The following PIK3C2G variants were observed in gnomAD, a reference collection of about 807,000 sequenced individuals.
PIK3C2G encodes phosphatidylinositol 3-kinase C2 domain-containing subunit gamma.
Under a neutral mutation model 181.1 loss-of-function variants are expected in PIK3C2G, and 168 were observed. That is an observed-to-expected ratio of 0.93 (90% confidence interval 0.82 to 1.05). PIK3C2G has a LOEUF of 1.05. Ranked by LOEUF, PIK3C2G falls within the 50% of genes least tolerant of loss-of-function variation. PIK3C2G has a pLI of 0.00. For missense variants in PIK3C2G, 1,869 were observed against 1,732.8 expected, an observed-to-expected ratio of 1.08 and a Z score of -1.40; for synonymous variants, 573 against 592.2, an observed-to-expected ratio of 0.97 and a Z score of 0.47.
intron 30 of PIK3C2G, among the ~76,000 whole-genome samples, chr12:18,600,662 T>A (rs1947660123): frequency 6.6e-6 from 1 of 152,044 alleles, no homozygotes; most frequent in Admixed American, 6.5e-5. Flanking sequence ...AGTAACAGAC[T>A]ACCTGTTCAA....
intron 11 of PIK3C2G, among the ~76,000 whole-genome samples, chr12:18,353,870 A>C (rs1205814686): frequency 6.6e-6 from 1 of 152,162 alleles, no homozygotes; most frequent in Non-Finnish European, 1.5e-5. Flanking sequence ...ATAGGTCAGT[A>C]TAGTTGAGAG....
chr12:18,272,409 C>A (rs377048023), intron 1 of PIK3C2G, among the ~76,000 whole-genome samples: 3 of 152,136 alleles, frequency 2.0e-5, no homozygotes, highest in Non-Finnish European at 4.4e-5. Flanking sequence ...AAACACCTGG[C>A]TGCTTCTCTT....
the PIK3C2G span, among the ~76,000 whole-genome samples, chr12:18,698,794 C>G: frequency 6.6e-6 from 1 of 152,156 alleles, no homozygotes; most frequent in Non-Finnish European, 1.5e-5. Flanking sequence ...CAATTATACT[C>G]TTTTAGTTAT....
At chr12:18,258,400 A>G (rs1172365267), upstream of PIK3C2G, among the ~76,000 whole-genome samples, 1 of 151,914 alleles carries the variant, frequency 6.6e-6, no homozygotes, top group Non-Finnish European at 1.5e-5. Flanking sequence ...TCTCCTGTCT[A>G]CCTGAAATTT....
chr12:18,393,318 G>A (rs1943655850), intron 15 of PIK3C2G, among the ~76,000 whole-genome samples: 1 of 151,952 alleles, frequency 6.6e-6, no homozygotes, highest in Non-Finnish European at 1.5e-5. Context: ...GTTTTATTCT[G>A]GACTGTGAAA....
chr12:18,615,348 TGTGTGTG>T (rs1565564966), intron 31 of PIK3C2G, among the ~76,000 whole-genome samples: 2 of 114,034 alleles, frequency 1.8e-5, no homozygotes, highest in African/African-American at 5.7e-5. Flanking sequence ...TGTGTGTGTG[TGTGTGTG>T]TGTGTGTGTG....
intron 31 of PIK3C2G, among the ~76,000 whole-genome samples, chr12:18,628,370 T>C (rs1949194628): frequency 1.3e-5 from 2 of 152,224 alleles, no homozygotes; most frequent in African/African-American, 2.4e-5. Context: ...GCTTTGTTTT[T>C]GTACTAACAT....
At chr12:18,383,981 A>ATTTTT (rs1943004760) in intron 14 of PIK3C2G, among the ~76,000 whole-genome samples, 1 of 135,996 alleles carries the variant, frequency 7.4e-6, no homozygotes, top group African/African-American at 2.7e-5. Context: ...TTTTATTATT[A>ATTTTT]TTATTATTTT....
At chr12:18,362,177 G>A (rs920146674) in intron 11 of PIK3C2G, among the ~76,000 whole-genome samples, 1 of 152,096 alleles carries the variant, frequency 6.6e-6, no homozygotes, top group African/African-American at 2.4e-5. Context: ...CTGAGTTGTG[G>A]AGAGAGGCAA....
chr12:18,633,563 G>A (rs1249910074), intron 31 of PIK3C2G, among the ~76,000 whole-genome samples: 1 of 152,176 alleles, frequency 6.6e-6, no homozygotes, highest in Non-Finnish European at 1.5e-5. Context: ...GGTCGTTGTA[G>A]TATTCTGTTG....
chr12:18,548,016 C>A (rs1944524706), intron 26 of PIK3C2G, among the ~76,000 whole-genome samples: 1 of 151,948 alleles, frequency 6.6e-6, no homozygotes, highest in African/African-American at 2.4e-5. Context: ...TTGAAGGCAG[C>A]TCCAGGGACC....
At chr12:18,516,431 T>C (rs1468567204) in intron 24 of PIK3C2G, among the ~76,000 whole-genome samples, 1 of 152,094 alleles carries the variant, frequency 6.6e-6, no homozygotes, top group Non-Finnish European at 1.5e-5. Context: ...TTTTTGATAA[T>C]TTGATTATAA....
At chr12:18,610,682 G>C (rs772866087) in intron 31 of PIK3C2G, among the ~76,000 whole-genome samples, 1 of 151,956 alleles carries the variant, frequency 6.6e-6, no homozygotes, top group Non-Finnish European at 1.5e-5. Context: ...GAGAATAGCA[G>C]TTTTTAAAGA....
chr12:18,315,351 C>A (rs1950814787), intron 6 of PIK3C2G, among the ~76,000 whole-genome samples: 1 of 152,050 alleles, frequency 6.6e-6, no homozygotes. Flanking sequence ...GTGCAACTGA[C>A]CCTGTCAATA....
At chr12:18,429,689 C>A (rs1946042693) in intron 18 of PIK3C2G, among the ~76,000 whole-genome samples, 1 of 152,054 alleles carries the variant, frequency 6.6e-6, no homozygotes, top group Non-Finnish European at 1.5e-5. Flanking sequence ...AGTAGATACT[C>A]AAAAAATGTT....
At chr12:18,492,356 C>T (rs971466863) in intron 20 of PIK3C2G, among the ~76,000 whole-genome samples, 3 of 152,136 alleles carry the variant, frequency 2.0e-5, no homozygotes, top group Admixed American at 2.0e-4. Flanking sequence ...AAAAATTAGA[C>T]CATTATTACT....
At chr12:18,559,560 T>C (rs1592580410) in intron 26 of PIK3C2G, among the ~76,000 whole-genome samples, 1 of 151,574 alleles carries the variant, frequency 6.6e-6, no homozygotes, top group South Asian at 2.1e-4. Flanking sequence ...GGGTGAGGGT[T>C]CTGTGGCAAA....
At chr12:18,438,768 T>C (rs1401310477) in intron 18 of PIK3C2G, among the ~76,000 whole-genome samples, 2 of 151,674 alleles carry the variant, frequency 1.3e-5, no homozygotes, top group African/African-American at 4.8e-5. Flanking sequence ...TGAAGAAAAA[T>C]TTCAACTCAG....
chr12:18,569,221 C>T (rs1469897270), intron 29 of PIK3C2G, among the ~76,000 whole-genome samples: 3 of 152,006 alleles, frequency 2.0e-5, no homozygotes, highest in African/African-American at 7.3e-5. Context: ...TCAAGCTGAC[C>T]TACCCTGAGT....
Sources: gnomAD v4.1 joint callset for allele counts (sites outside exome capture counted in the v4.1 genomes callset) on GRCh38, gnomAD v4.1.1 for gene constraint, MANE v1.5 for transcripts, NCBI Gene and HGNC (gene_info 2026-07-23, HGNC 2026-07-21) for gene names.